FOCAD: variants seen among roughly 807,000 people sequenced by gnomAD.
FOCAD encodes KIAA1797.
A neutral mutation model predicts 225.6 loss-of-function variants in FOCAD; 198 were observed. The ratio of observed to expected loss-of-function variants is 0.88; its 90% CI spans 0.78 to 0.99. FOCAD has a LOEUF of 0.99. FOCAD is among the 50% of genes least tolerant of loss of function. The probability of loss-of-function intolerance (pLI) is 0.00; values close to 1 mark genes in which losing one functional copy is unlikely to be tolerated. For missense variants in FOCAD, 2,713 were observed against 2,123.6 expected, an observed-to-expected ratio of 1.28 and a Z score of -5.46; for synonymous variants, 897 against 755.0, an observed-to-expected ratio of 1.19 and a Z score of -3.08.
At chr9:20,945,518 C>T (rs2046530626) in intron 29 of FOCAD, among the ~76,000 whole-genome samples, 1 of 152,240 alleles carries the variant, frequency 6.6e-6, no homozygotes, top group Non-Finnish European at 1.5e-5. Flanking sequence ...CTCAGCTCCT[C>T]TGCTTTCAGC....
chr9:20,796,731 G>A (rs1196071200), intron 11 of FOCAD, among the ~76,000 whole-genome samples: 1 of 152,160 alleles, frequency 6.6e-6, no homozygotes, highest in East Asian at 1.9e-4. Context: ...TGTCAGATGA[G>A]TAGATTGCAA....
At chr9:20,973,380 T>C (rs1031315166) in intron 35 of FOCAD, among the ~76,000 whole-genome samples, 6 of 151,900 alleles carry the variant, frequency 3.9e-5, no homozygotes, top group African/African-American at 1.4e-4. Context: ...TTCTCCTTTC[T>C]GCAGCTTTTT....
intron 18 of FOCAD, chr9:20,874,001 GA>G (rs1830015375): frequency 6.6e-6 from 1 of 152,100 alleles, no homozygotes; most frequent in African/African-American, 2.4e-5. Context: ...TATATCTTGT[GA>G]AAACAATGTG....
chr9:20,846,192 A>G (rs1270972399), intron 15 of FOCAD, among the ~76,000 whole-genome samples: 3 of 152,064 alleles, frequency 2.0e-5, no homozygotes, highest in Non-Finnish European at 2.9e-5. Flanking sequence ...GGCTACACTT[A>G]GGTTTCTGAG....
chr9:20,933,744 C>T (rs1305892815), intron 28 of FOCAD, among the ~76,000 whole-genome samples: 1 of 152,098 alleles, frequency 6.6e-6, no homozygotes, highest in Non-Finnish European at 1.5e-5. Flanking sequence ...AGTGGGATTG[C>T]TGGATCAAAT....
At chr9:20,938,802 T>A (rs948688269) in intron 28 of FOCAD, among the ~76,000 whole-genome samples, 1 of 152,084 alleles carries the variant, frequency 6.6e-6, no homozygotes, top group African/African-American at 2.4e-5. Context: ...TTATATATTA[T>A]GTACATGAAC....
chr9:20,950,383 T>G (rs747923079), intron 33 of FOCAD, among the ~76,000 whole-genome samples: 1 of 152,140 alleles, frequency 6.6e-6, no homozygotes, highest in Admixed American at 6.6e-5. Flanking sequence ...ATAATACCTA[T>G]CACATAAAGG....
chr9:20,840,667 C>A (rs1489614276), intron 15 of FOCAD, among the ~76,000 whole-genome samples: 1 of 150,486 alleles, frequency 6.6e-6, no homozygotes, highest in Admixed American at 6.6e-5. Context: ...AAGATTATAT[C>A]AACTGCAAAA....
chr9:20,823,328 T>C (rs1564033670), intron 15 of FOCAD, among the ~76,000 whole-genome samples: 1 of 152,050 alleles, frequency 6.6e-6, no homozygotes, highest in African/African-American at 2.4e-5. Context: ...TCTCTAGAGA[T>C]CAAAGAAAAC....
At chr9:20,919,973 A>C (rs1158987397) in intron 24 of FOCAD, among the ~76,000 whole-genome samples, 1 of 151,918 alleles carries the variant, frequency 6.6e-6, no homozygotes, top group Non-Finnish European at 1.5e-5. Context: ...GGATCTAATT[A>C]AACTAAAGAG....
intron 2 of FOCAD, among the ~76,000 whole-genome samples, chr9:20,676,541 A>C (rs1424553191): frequency 6.6e-6 from 1 of 152,244 alleles, no homozygotes. Context: ...ACAAAAACTA[A>C]TGCTGTTTCA....
intron 2 of FOCAD, among the ~76,000 whole-genome samples, chr9:20,664,676 G>A (rs929919453): frequency 2.2e-4 from 30 of 135,434 alleles, no homozygotes; most frequent in African/African-American, 7.6e-4. Context: ...ATGAGGTCTC[G>A]CTTTGTTGAC....
intron 42 of FOCAD, among the ~76,000 whole-genome samples, chr9:20,991,605 G>C (rs1007781149): frequency 6.6e-6 from 1 of 152,096 alleles, no homozygotes; most frequent in Admixed American, 6.5e-5. Flanking sequence ...GTGAGGTCAG[G>C]AGTTCGAGTC....
chr9:20,978,313 A>C (rs4977616), intron 36 of FOCAD, 26 bp from the exon 37 acceptor site: 16 of 1,487,448 alleles, frequency 1.1e-5, no homozygotes, highest in Non-Finnish European at 1.3e-5. Context: ...CTATATATTC[A>C]ATTCTTTTCC....
chr9:20,933,454 T>G (rs1286263957), intron 28 of FOCAD, among the ~76,000 whole-genome samples: 1 of 152,164 alleles, frequency 6.6e-6, no homozygotes, highest in Non-Finnish European at 1.5e-5. Flanking sequence ...GACGTTTGGT[T>G]TTTCCATTCC....
intron 2 of FOCAD, among the ~76,000 whole-genome samples, chr9:20,664,959 T>A (rs1331437606): frequency 4.2e-5 from 1 of 23,842 alleles, no homozygotes; most frequent in Non-Finnish European, 1.1e-4. Context: ...AAACACTGCA[T>A]TTTTTTAAAC....
intron 21 of FOCAD, among the ~76,000 whole-genome samples, chr9:20,887,243 T>C (rs1831174469): frequency 6.6e-6 from 1 of 150,388 alleles, no homozygotes; most frequent in Non-Finnish European, 1.5e-5. Flanking sequence ...TTCTTTCTCT[T>C]TTTTTTTTTG....
intron 3 of FOCAD, among the ~76,000 whole-genome samples, chr9:20,718,604 T>C (rs1366672647): frequency 6.6e-6 from 1 of 152,240 alleles, no homozygotes; most frequent in African/African-American, 2.4e-5. Context: ...TGCAGACATG[T>C]TGAAGTAAGT....
upstream of FOCAD, among the ~76,000 whole-genome samples, chr9:20,656,663 A>G (rs968374290): frequency 5.9e-5 from 9 of 151,922 alleles, no homozygotes; most frequent in Non-Finnish European, 1.3e-4. Context: ...TTTTGAGCCT[A>G]TGTGTGTCTC....
Sources: gnomAD v4.1 joint callset for allele counts (sites outside exome capture counted in the v4.1 genomes callset) on GRCh38, gnomAD v4.1.1 for gene constraint, MANE v1.5 for transcripts, NCBI Gene and HGNC (gene_info 2026-07-23, HGNC 2026-07-21) for gene names.